RNF220: variants seen among roughly 807,000 people sequenced by gnomAD.
RNF220 encodes ring finger protein 220.
RNF220 carries 7 observed loss-of-function variants against 67.1 expected under a neutral mutation model. That is an observed-to-expected ratio of 0.10 (90% CI 0.06 to 0.20). The LOEUF is 0.20. Among genes scored for constraint, RNF220 ranks in the 10% least tolerant of loss-of-function variants. RNF220 has a pLI of 1.00. For synonymous variants in RNF220, 270 were observed against 283.2 expected (o/e 0.95, Z 0.47); for missense variants, 565 against 740.3 (o/e 0.76, Z 2.75).
At chr1:44,468,789 C>T (rs376804752) in intron 2 of RNF220, among the ~76,000 whole-genome samples, 16 of 151,998 alleles carry the variant, frequency 1.1e-4, no homozygotes, top group Non-Finnish European at 1.9e-4. Context: ...TGGTGATGCA[C>T]ACCTGTGATC....
chr1:44,559,558 T>C (rs547844142), intron 2 of RNF220, among the ~76,000 whole-genome samples: 1 of 152,334 alleles, frequency 6.6e-6, no homozygotes, highest in Non-Finnish European at 1.5e-5. Context: ...CAGGCTGCGC[T>C]CCAGCGGTGA....
Position 44,650,687 on chromosome 1 carries a change from C to T in RNF220, c.1630-17C>T. 6.2e-7 allele frequency: 1 copy of T among 1,613,614 alleles called. No individual in the cohort carries two copies. The highest frequency in any genetic ancestry group is 1.1e-5 in the South Asian group (1 of 91,074). On this transcript the variant is annotated splice_polypyrimidine_tract_variant and intron_variant, in intron 14 of 14. Transcript: ENST00000361799. This position sits in a 1 kb window ranked among gnomAD's most constrained non-coding sequence, Gnocchi z 4.3. ...GGCTCATTGTGTAGACCAGAGCCCT[C>T]CCTGTTCTCCCTGCAGGGTGCCAAG...
intron 2 of RNF220, among the ~76,000 whole-genome samples, chr1:44,581,787 A>C (rs1264628634): frequency 6.6e-6 from 1 of 152,120 alleles, no homozygotes; most frequent in Non-Finnish European, 1.5e-5. Flanking sequence ...TTCTCTATTC[A>C]TTCCTCTTTG....
rs546959374 is a variant in RNF220 at position 44,548,132 on chromosome 1, G to A, written c.626-66033G>A. Among the ~76,000 whole-genome samples, 39 of 152,214 alleles carry A rather than the reference G, an allele frequency of 2.6e-4. No homozygotes were observed. In the South Asian group the frequency reaches 8.1e-3, roughly 32 times the overall value. On this transcript the variant is annotated intron_variant, in intron 2 of 14. Coordinates refer to ENST00000361799, the MANE Select transcript of RNF220 (RefSeq NM_018150.4). ...TGTCTCGTTAGTCACGAAATCCTGT[G>A]GATTCCTTATCGTCCCTTATATATG... is the stretch of plus-strand genomic sequence containing the variant.
chr1:44,562,612 G>A (rs947891780), intron 2 of RNF220, among the ~76,000 whole-genome samples: 18 of 152,314 alleles, frequency 1.2e-4, no homozygotes, highest in Admixed American at 3.3e-4. Flanking sequence ...CTCAGCCTGA[G>A]CAGGTCCCAG....
intron 2 of RNF220, among the ~76,000 whole-genome samples, chr1:44,549,885 C>T (rs1662484625): frequency 6.6e-6 from 1 of 152,192 alleles, no homozygotes; most frequent in South Asian, 2.1e-4. Flanking sequence ...AGAGAAGTAG[C>T]AGGACATTGT....
chr1:44,507,998 C>T (rs1658598227), intron 2 of RNF220, among the ~76,000 whole-genome samples: 1 of 152,086 alleles, frequency 6.6e-6, no homozygotes, highest in Admixed American at 6.6e-5. Flanking sequence ...CTGGGGGAGC[C>T]ATCTGTGCTG....
chr1:44,484,884 C>T (rs1462461825), intron 2 of RNF220, among the ~76,000 whole-genome samples: 2 of 152,202 alleles, frequency 1.3e-5, no homozygotes, highest in South Asian at 2.1e-4. Context: ...TGGCTCACGC[C>T]TGTAATCCCA....
At chr1:44,581,163 A>G (rs1665249992) in intron 2 of RNF220, among the ~76,000 whole-genome samples, 1 of 152,242 alleles carries the variant, frequency 6.6e-6, no homozygotes. Flanking sequence ...TCCTCTCATC[A>G]TACGGACTCT....
chr1:44,429,716 A>C (rs1179559373), intron 2 of RNF220, among the ~76,000 whole-genome samples: 2 of 152,206 alleles, frequency 1.3e-5, no homozygotes, highest in Non-Finnish European at 2.9e-5. Flanking sequence ...GATGGCCTAC[A>C]GTTGTTGATG....
rs1377940958 is a variant in RNF220, at chr1:44,543,703, A to T, written c.626-70462A>T. Among the ~76,000 whole-genome samples the T allele has an allele frequency of 2.6e-5, 4 of 152,126 alleles. No individual in the cohort carries two copies. The East Asian group carries it at 7.7e-4, about 29-fold the overall frequency. ...CATCATGTTTTGGGCATTAAAAAAAAATACATGCAAGCATTTCACATGTAA... is the reference window on the plus strand; with the variant it reads ...CATCATGTTTTGGGCATTAAAAAAATATACATGCAAGCATTTCACATGTAA... On this transcript the variant is annotated intron_variant, in intron 2 of 14. Coordinates refer to ENST00000361799, the MANE Select transcript of RNF220 (RefSeq NM_018150.4).
chr1:44,621,175 C>T lies in RNF220; in HGVS notation c.759-1567C>T, dbSNP rs1643780014. Among the ~76,000 whole-genome samples, 1 of 152,194 alleles carries T rather than the reference C, an allele frequency of 6.6e-6. No homozygotes were observed. The highest frequency in any genetic ancestry group is 1.5e-5 in the Non-Finnish European group (1 of 68,032). ...AGGTGATCCACCAGCCTCGGCCTCA[C>T]AAAGTGCTGGGATTATAGGCGTGAG... On this transcript the variant is annotated intron_variant, in intron 3 of 14. Transcript: ENST00000361799. The surrounding 1 kb of genome is among the most constrained non-coding windows in gnomAD (Gnocchi z 4.8).
chr1:44,451,948 G>A (rs1652733224), intron 2 of RNF220, among the ~76,000 whole-genome samples: 2 of 152,128 alleles, frequency 1.3e-5, no homozygotes, highest in Non-Finnish European at 2.9e-5. Context: ...TTTCTGTTAT[G>A]GCTTCTGAAG....
At chr1:44,537,338 A>G (rs1359303358) in intron 2 of RNF220, among the ~76,000 whole-genome samples, 1 of 152,208 alleles carries the variant, frequency 6.6e-6, no homozygotes, top group Non-Finnish European at 1.5e-5. Context: ...TCCAATTACC[A>G]TAATTGAAAG....
At position 44,626,380 on chromosome 1, in the gene RNF220, C is replaced by T. The variant is rs1305270454; in HGVS notation, c.888C>T (p.His296=). The change falls in exon 5 of 15, where the codon CAC becomes CAT. Residue 296 remains histidine (H), a synonymous_variant. Transcript: ENST00000361799. ...SPHSSATDDL[H]HSDRYQTFLR... The stretch of plus-strand genomic sequence containing the variant: ...ACTCATCTGCCACCGATGACCTCCA[C>T]CATTCAGACAGATACCAGGTGAGGA... 2 of 1,613,902 alleles carry T rather than the reference C, an allele frequency of 1.2e-6. No homozygotes were observed. Among genetic ancestry groups the T allele is most frequent in the Admixed American group, 1.7e-5 (1 of 60,020 alleles).
intron 2 of RNF220, among the ~76,000 whole-genome samples, chr1:44,597,462 T>G (rs984595001): frequency 1.8e-5 from 2 of 110,024 alleles, no homozygotes; most frequent in Admixed American, 1.9e-4. Context: ...TCTCTCTCTC[T>G]CTCATGCACA....
chr1:44,616,965 C>T (rs567436144), intron 3 of RNF220, among the ~76,000 whole-genome samples: 1 of 152,300 alleles, frequency 6.6e-6, no homozygotes, highest in African/African-American at 2.4e-5. Flanking sequence ...GCACAACCCC[C>T]TTATCCCTCA....
Position 44,645,828 on chromosome 1 carries a change from C to T in RNF220, c.1445+340C>T, listed in dbSNP as rs549141723. On this transcript the variant is annotated intron_variant, in intron 12 of 14. Transcript: ENST00000361799. This position sits in a 1 kb window ranked among gnomAD's most constrained non-coding sequence, Gnocchi z 5.0. ...CTTGATTCATCTCCAGTTTCTGTTT[C>T]TTAATCGGGAGCTAAATTGGTTTCA... is the stretch of plus-strand genomic sequence containing the variant. Among the ~76,000 whole-genome samples the T allele has an allele frequency of 3.3e-5, 5 of 152,388 alleles. No individual in the cohort carries two copies. Among genetic ancestry groups the T allele is most frequent in the Admixed American group, 2.0e-4 (3 of 15,314 alleles).
chr1:44,476,496 G>A lies in RNF220; in HGVS notation c.625+63774G>A, dbSNP rs5004222. On this transcript the variant is annotated intron_variant, in intron 2 of 14. Transcript: ENST00000361799. The stretch of plus-strand genomic sequence containing the variant: ...ATGAGCTTAGCTGGGTAGTTGTACC[G>A]GGATCCATGCCCTGACTGCTGTTTC... Among the ~76,000 whole-genome samples, 620 of 152,240 alleles carry A rather than the reference G, an allele frequency of 4.1e-3. 9 individuals carry two copies. The South Asian group carries it at 0.041, about 10-fold the overall frequency.
Sources: gnomAD v4.1 joint callset for allele counts (sites outside exome capture counted in the v4.1 genomes callset) on GRCh38, gnomAD v4.1.1 for gene constraint, Gnocchi (gnomAD v3.1) non-coding constraint, MANE v1.5 for transcripts, NCBI Gene and HGNC (gene_info 2026-07-23, HGNC 2026-07-21) for gene names.